BICC1: variants seen among roughly 807,000 people sequenced by gnomAD.
BICC1 encodes the protein BicC family RNA binding protein 1.
BICC1 carries 43 observed loss-of-function variants against 111.0 expected under a neutral mutation model. The observed-to-expected ratio is 0.39, with a 90% CI of 0.30 to 0.50. The LOEUF is 0.50. BICC1 is among the 20% of genes least tolerant of loss of function. The pLI, the probability that BICC1 is intolerant of heterozygous loss-of-function variation, is 0.88. For synonymous variants in BICC1, 467 were observed against 434.4 expected (o/e 1.07, Z -0.93); for missense variants, 1,091 against 1,203.2 (o/e 0.91, Z 1.38).
intron 3 of BICC1, among the ~76,000 whole-genome samples, chr10:58,702,547 A>C (rs1199867181): frequency 6.6e-6 from 1 of 151,868 alleles, no homozygotes; most frequent in African/African-American, 2.4e-5. Context: ...TATGAACCTT[A>C]GATTTCAGGT....
chr10:58,817,728 TCATTA>T lies in BICC1; in HGVS notation c.2694+7_2694+11del. ...ATGTTTTCCAGCAACAAGAGGTCAG[TCATTA>T]TTTATTTTCCCAAGTATCTTTGTTT... On this transcript the variant is annotated splice_region_variant and intron_variant, in intron 19 of 20. Transcript: ENST00000373886. 1 of 1,595,984 alleles carries T rather than the reference TCATTA, an allele frequency of 6.3e-7. No homozygotes were observed. The highest frequency in any genetic ancestry group is 1.3e-5 in the African/African-American group (1 of 74,182).
intron 1 of BICC1, among the ~76,000 whole-genome samples, chr10:58,599,652 T>TA (rs1393291732): frequency 2.0e-5 from 3 of 152,002 alleles, no homozygotes; most frequent in East Asian, 1.9e-4. Context: ...AGCATATTAA[T>TA]AAAAAAAATT....
intron 2 of BICC1, among the ~76,000 whole-genome samples, chr10:58,664,874 G>C (rs77269388): frequency 0.016 from 2,425 of 152,106 alleles, 71 homozygotes; most frequent in African/African-American, 0.055. Context: ...AGTTGAGCTG[G>C]GTTTGAATTT....
chr10:58,800,064 A>T, intron 12 of BICC1, 130 bp from the exon 13 acceptor site: 1 of 635,444 alleles, frequency 1.6e-6, no homozygotes, highest in Admixed American at 3.0e-5. Context: ...GATATATTTC[A>T]TCTCCTTAGT....
intron 2 of BICC1, among the ~76,000 whole-genome samples, chr10:58,677,977 C>T (rs1222028037): frequency 1.3e-5 from 2 of 152,308 alleles, no homozygotes; most frequent in East Asian, 1.9e-4. Flanking sequence ...AAATCCTTTA[C>T]AGACAAGCAA....
At chr10:58,556,153 A>G (rs1282090505) in intron 1 of BICC1, among the ~76,000 whole-genome samples, 1 of 152,082 alleles carries the variant, frequency 6.6e-6, no homozygotes, top group African/African-American at 2.4e-5. Context: ...TGAGTTTAAA[A>G]TGCTAGTCTC....
chr10:58,547,630 G>A (rs899346487), intron 1 of BICC1, among the ~76,000 whole-genome samples: 1 of 152,076 alleles, frequency 6.6e-6, no homozygotes, highest in East Asian at 1.9e-4. Context: ...GAATTCTTCT[G>A]CATAAGAGAT....
intron 20 of BICC1, chr10:58,824,035 T>A (rs1443238506): frequency 5.7e-5 from 56 of 984,590 alleles, no homozygotes; most frequent in Non-Finnish European, 6.8e-5. Flanking sequence ...GAAGCTGGGT[T>A]TTTCTATTTA....
chr10:58,677,058 A>T (rs1161230599), intron 2 of BICC1, among the ~76,000 whole-genome samples: 5 of 152,234 alleles, frequency 3.3e-5, no homozygotes, highest in Non-Finnish European at 7.3e-5. Flanking sequence ...CACCAGCATC[A>T]AAGACCAAAG....
rs750792332 is a variant in BICC1, at chr10:58,799,240, T to C, written c.1713T>C (p.Asn571=). 2 of 1,602,296 alleles carry C rather than the reference T, an allele frequency of 1.2e-6. No individual in the cohort carries two copies. Among genetic ancestry groups the C allele is most frequent in the East Asian group, 4.5e-5 (2 of 44,494 alleles). The stretch of plus-strand genomic sequence containing the variant: ...GCAAAAAAATCTCTGCTGCTTTAAA[T>C]GGACATGCACAGGTAATGGCCTTCT... ...TEGKKISAAL[N]GHAQSPDIKY... Residue 571 remains asparagine (N), a synonymous_variant, in exon 12 of 21, where the codon AAT becomes AAC. Transcript: ENST00000373886.
chr10:58,635,390 C>T (rs1286506963), intron 2 of BICC1, among the ~76,000 whole-genome samples: 2 of 152,160 alleles, frequency 1.3e-5, no homozygotes, highest in African/African-American at 4.8e-5. Context: ...GCTAGAAACT[C>T]CATTCTACAA....
chr10:58,804,040 T>C (rs1843636521), intron 15 of BICC1, among the ~76,000 whole-genome samples: 2 of 152,336 alleles, frequency 1.3e-5, no homozygotes, highest in Non-Finnish European at 2.9e-5. Flanking sequence ...AAAGCTGTCA[T>C]AGATGTGTCA....
At chr10:58,533,879 A>G (rs542134548) in intron 1 of BICC1, among the ~76,000 whole-genome samples, 17 of 151,958 alleles carry the variant, frequency 1.1e-4, no homozygotes, top group African/African-American at 3.4e-4. Flanking sequence ...AATTACTACT[A>G]GCCATACAGA....
At chr10:58,624,475 A>C (rs1228808268) in intron 2 of BICC1, among the ~76,000 whole-genome samples, 1 of 152,260 alleles carries the variant, frequency 6.6e-6, no homozygotes, top group Non-Finnish European at 1.5e-5. Context: ...TTAACTGCCT[A>C]GTCATTTATA....
intron 2 of BICC1, among the ~76,000 whole-genome samples, chr10:58,639,719 ATT>A (rs71033694): frequency 1.1e-5 from 1 of 93,160 alleles, no homozygotes; most frequent in Non-Finnish European, 2.0e-5. Flanking sequence ...GCCCGGCCAA[ATT>A]TTTTTTTTTT....
Position 58,805,305 on chromosome 10 carries a change from A to G in BICC1, c.2182-1279A>G, listed in dbSNP as rs773133121. Among the ~76,000 whole-genome samples the G allele has an allele frequency of 1.0e-3, 156 of 148,878 alleles. 3 individuals are homozygous for G. The highest frequency in any genetic ancestry group is 6.8e-4 in the Non-Finnish European group (46 of 67,682). ...GAGACTCTGTCTAAAAAACAAACAA[A>G]CAAACAAACAAAAAAACTGCAAGTC... On this transcript the variant is annotated intron_variant, in intron 15 of 20. Coordinates refer to ENST00000373886, the MANE Select transcript of BICC1 (RefSeq NM_001080512.3).
intron 3 of BICC1, among the ~76,000 whole-genome samples, chr10:58,780,910 G>T (rs967036815): frequency 1.3e-5 from 2 of 152,058 alleles, no homozygotes; most frequent in African/African-American, 4.8e-5. Context: ...TTGTTGCCTT[G>T]TTAAGTCCTT....
At chr10:58,732,315 AGAG>A (rs1345648657) in intron 3 of BICC1, among the ~76,000 whole-genome samples, 4 of 143,778 alleles carry the variant, frequency 2.8e-5, no homozygotes, top group African/African-American at 5.3e-5. Flanking sequence ...AGAGAGGAGA[AGAG>A]GAGAGAGAGA....
chr10:58,552,422 G>A (rs962977731), intron 1 of BICC1, among the ~76,000 whole-genome samples: 3 of 151,850 alleles, frequency 2.0e-5, no homozygotes, highest in South Asian at 2.1e-4. Context: ...TGCAAGCTCC[G>A]CCTCCCGGGT....
Sources: gnomAD v4.1 joint callset for allele counts (sites outside exome capture counted in the v4.1 genomes callset) on GRCh38, gnomAD v4.1.1 for gene constraint, MANE v1.5 for transcripts, NCBI Gene and HGNC (gene_info 2026-07-23, HGNC 2026-07-21) for gene names.